The following DNASE2B variants were observed in gnomAD, a reference collection of about 807,000 sequenced individuals.
DNASE2B encodes the protein deoxyribonuclease 2 beta, also known as deoxyribonuclease-2-beta.
DNASE2B carries 43 observed loss-of-function variants against 46.0 expected under a neutral mutation model. The ratio of observed to expected loss-of-function variants is 0.94; its 90% CI spans 0.73 to 1.21. The LOEUF (loss-of-function observed/expected upper bound fraction) is 1.21. Ranked by LOEUF, DNASE2B falls within the 50% of genes most tolerant of loss-of-function variation. DNASE2B has a pLI of 0.00. For missense variants in DNASE2B, 395 were observed against 414.4 expected, an observed-to-expected ratio of 0.95 and a Z score of 0.41; for synonymous variants, 156 against 152.5, an observed-to-expected ratio of 1.02 and a Z score of -0.17.
chr1:84,411,962 C>A (rs1680606013), intron 4 of DNASE2B, among the ~76,000 whole-genome samples: 1 of 152,114 alleles, frequency 6.6e-6, no homozygotes, highest in South Asian at 2.1e-4. Context: ...AATATATGGT[C>A]TCCAAGGCCA....
chr1:84,401,465 G>C (rs1246386), intron 1 of DNASE2B, among the ~76,000 whole-genome samples: 2 of 152,006 alleles, frequency 1.3e-5, no homozygotes. Flanking sequence ...CAGAGTATTC[G>C]GATAAACTGA....
At chr1:84,409,387 G>A (rs552412198) in intron 3 of DNASE2B, among the ~76,000 whole-genome samples, 2 of 151,988 alleles carry the variant, frequency 1.3e-5, no homozygotes, top group Non-Finnish European at 2.9e-5. Flanking sequence ...TGCCTGATAC[G>A]GACACAATTT....
At chr1:84,412,066 A>G (rs554799207) in intron 4 of DNASE2B, among the ~76,000 whole-genome samples, 1 of 152,366 alleles carries the variant, frequency 6.6e-6, no homozygotes. Flanking sequence ...CTATAAAGTA[A>G]AGATAATGAT....
chr1:84,410,791 G>T, intron 3 of DNASE2B, 47 bp from the exon 4 acceptor site: 1 of 1,574,130 alleles, frequency 6.4e-7, no homozygotes, highest in Non-Finnish European at 8.6e-7. Flanking sequence ...TATTATAAAA[G>T]AAGCTTTGTT....
intron 2 of DNASE2B, chr1:84,408,205 G>A (rs1440681029): frequency 1.8e-5 from 8 of 436,920 alleles, no homozygotes; most frequent in Non-Finnish European, 2.8e-5. Flanking sequence ...ACAATGCACA[G>A]GGCTCCTGTC....
At chr1:84,411,428 GTGTGTGTGT>G (rs1680590794) in intron 4 of DNASE2B, among the ~76,000 whole-genome samples, 34 of 4,766 alleles carry the variant, frequency 7.1e-3, no homozygotes, top group Non-Finnish European at 0.011. Context: ...AACCTAGGGT[GTGTGTGTGT>G]GTGTGTGTGT....
At chr1:84,405,272 C>T (rs1680477384) in intron 2 of DNASE2B, among the ~76,000 whole-genome samples, 1 of 152,154 alleles carries the variant, frequency 6.6e-6, no homozygotes, top group Admixed American at 6.5e-5. Context: ...GTATTCCTTT[C>T]TTATAGCAAT....
chr1:84,412,447 G>A lies in DNASE2B; in HGVS notation c.646G>A (p.Ala216Thr), dbSNP rs1225985310. ...TCACATGCCCCAGCTGTGCACCAGG[G>A]CCAGCTCATCAGAGATTCCTGGCAG... ...LIHMPQLCTR[A>T]SSSEIPGRLL... Residue 216 changes from alanine to threonine, a missense_variant, in exon 5 of 6, where the codon GCC becomes ACC. Transcript: ENST00000370665. The A allele has an allele frequency of 1.9e-6, 3 of 1,613,702 alleles. No individual in the cohort carries two copies. The highest frequency in any genetic ancestry group is 1.1e-5 in the South Asian group (1 of 91,024).
intron 3 of DNASE2B, among the ~76,000 whole-genome samples, chr1:84,410,243 T>G (rs1680565196): frequency 6.6e-6 from 1 of 152,224 alleles, no homozygotes. Context: ...AAGTTGTTTA[T>G]TTTGCTCTAG....
chr1:84,412,267 T>C, intron 4 of DNASE2B, 82 bp from the exon 5 acceptor site: 5 of 1,228,528 alleles, frequency 4.1e-6, no homozygotes, highest in Non-Finnish European at 5.4e-6. Context: ...TGTTTTTAAA[T>C]CCACAAAAAG....
chr1:84,414,212 A>G (rs11163955), intron 5 of DNASE2B, among the ~76,000 whole-genome samples: 80,442 of 152,006 alleles, frequency 0.53, 21,330 homozygotes, highest in East Asian at 0.61. Flanking sequence ...AACTGGCCCT[A>G]ATTCCTTCTC....
In DNASE2B at chr1:84,412,467, T is replaced by C. The variant is rs758109562; in HGVS notation, c.666T>C (p.Pro222=). ...CCAGGGCCAGCTCATCAGAGATTCC[T>C]GGCAGGCTCCTCACCACACTTCAGT... The part of the protein sequence containing the change: ...LCTRASSSEI[P]GRLLTTLQSA... The change falls in exon 5 of 6, where the codon CCT becomes CCC. Residue 222 remains proline, a synonymous_variant. Coordinates refer to ENST00000370665, the MANE Select transcript of DNASE2B (RefSeq NM_021233.3). 6 of 1,613,914 alleles carry C rather than the reference T, an allele frequency of 3.7e-6. No homozygotes were observed. In the Admixed American group the frequency reaches 6.7e-5, roughly 18 times the overall value.
At chr1:84,412,305 T>A in intron 4 of DNASE2B, 44 bp from the exon 5 acceptor site, 3 of 1,433,820 alleles carry the variant, frequency 2.1e-6, no homozygotes, top group Non-Finnish European at 2.8e-6. Flanking sequence ...GTATTTCCAT[T>A]TGTGTCTTAA....
intron 3 of DNASE2B, among the ~76,000 whole-genome samples, chr1:84,409,878 G>C (rs79716288): frequency 6.6e-6 from 1 of 152,068 alleles, no homozygotes; most frequent in East Asian, 1.9e-4. Flanking sequence ...TCTGCACAGA[G>C]GATAACTCTT....
intron 2 of DNASE2B, among the ~76,000 whole-genome samples, chr1:84,405,963 GC>G (rs1425059404): frequency 6.6e-6 from 1 of 152,012 alleles, no homozygotes; most frequent in Non-Finnish European, 1.5e-5. Context: ...GTTTAGGGCA[GC>G]AAATGAAAAA....
intron 5 of DNASE2B, 25 bp from the exon 6 acceptor site, chr1:84,414,503 C>T (rs1680657806): frequency 1.3e-6 from 2 of 1,560,602 alleles, no homozygotes; most frequent in Non-Finnish European, 8.7e-7. Context: ...ACCAACCTCA[C>T]TATCTTTCTC....
chr1:84,409,834 A>T (rs1680558359), intron 3 of DNASE2B, among the ~76,000 whole-genome samples: 1 of 152,174 alleles, frequency 6.6e-6, no homozygotes, highest in Non-Finnish European at 1.5e-5. Context: ...CATTTGTACC[A>T]GGAGGATAGG....
chr1:84,408,668 C>T, intron 3 of DNASE2B, 150 bp downstream of exon 3: 1 of 539,676 alleles, frequency 1.9e-6, no homozygotes, highest in Non-Finnish European at 3.0e-6. Flanking sequence ...ACTTCTATAT[C>T]ACTGGTTATA....
intron 2 of DNASE2B, among the ~76,000 whole-genome samples, chr1:84,407,459 G>GT (rs760561141): frequency 6.6e-5 from 10 of 152,002 alleles, no homozygotes; most frequent in Admixed American, 2.6e-4. Context: ...AACAGACTAT[G>GT]TTGTGCATTG....
Sources: allele counts gnomAD v4.1 joint callset (sites outside exome capture counted in the v4.1 genomes callset), GRCh38; gene constraint gnomAD v4.1.1; transcripts MANE v1.5; gene names NCBI Gene and HGNC (gene_info 2026-07-23, HGNC 2026-07-21).